The following SCN11A variants were observed in gnomAD, a reference collection of about 807,000 sequenced individuals.
SCN11A encodes sodium channel protein type 11 subunit alpha.
A neutral mutation model predicts 162.2 loss-of-function variants in SCN11A; 122 were observed. The ratio of observed to expected loss-of-function variants is 0.75; its 90% confidence interval spans 0.65 to 0.87. The LOEUF is 0.87. SCN11A is among the 40% of genes least tolerant of loss of function. The pLI is 0.00. For missense variants in SCN11A, 2,015 were observed against 2,181.6 expected (o/e 0.92, Z 1.52); for synonymous variants, 758 against 751.5 (o/e 1.01, Z -0.14).
At chr3:38,875,748 A>G (rs908658532) in intron 23 of SCN11A, among the ~76,000 whole-genome samples, 7 of 152,336 alleles carry the variant, frequency 4.6e-5, no homozygotes, top group African/African-American at 1.7e-4. Flanking sequence ...ATGTTCATGG[A>G]TGGGTAGAAT....
intron 2 of SCN11A, among the ~76,000 whole-genome samples, chr3:38,995,027 C>A (rs983467177): frequency 1.9e-4 from 29 of 152,160 alleles, no homozygotes; most frequent in African/African-American, 6.8e-4. Flanking sequence ...GACACACTTC[C>A]TGGGAAGCTA....
intron 2 of SCN11A, among the ~76,000 whole-genome samples, chr3:38,980,386 C>T (rs2029986101): frequency 6.6e-6 from 1 of 152,152 alleles, no homozygotes; most frequent in Admixed American, 6.5e-5. Flanking sequence ...AACCATCTCT[C>T]CAGGAAGGGA....
At chr3:38,968,788 C>T (rs2066799252) in intron 2 of SCN11A, among the ~76,000 whole-genome samples, 1 of 152,168 alleles carries the variant, frequency 6.6e-6, no homozygotes, top group South Asian at 2.1e-4. Context: ...ACTTTCTGAG[C>T]CTCAGTTTCT....
At position 38,868,124 on chromosome 3, in the gene SCN11A, T is replaced by C. The variant is rs115265332; in HGVS notation, c.3814-666A>G. On this transcript the variant is annotated intron_variant, in intron 26 of 29. Transcript: ENST00000302328. ...CTAAGAGCCCTTTCATCCAAGTCCT[T>C]TGCATTGTTATTGGCTTCAAGCACT... is the stretch of plus-strand genomic sequence containing the variant. Among the ~76,000 whole-genome samples the C allele has an allele frequency of 6.7e-3, 1,021 of 152,276 alleles. 13 individuals are homozygous for C. The highest frequency in any genetic ancestry group is 0.017 in the Middle Eastern group (5 of 294).
At chr3:39,037,563 G>T (rs546550277) in intron 1 of SCN11A, among the ~76,000 whole-genome samples, 97 of 152,182 alleles carry the variant, frequency 6.4e-4, no homozygotes, top group African/African-American at 2.2e-3. Flanking sequence ...ATTGCACATT[G>T]TATGCCTCTA....
intron 4 of SCN11A, among the ~76,000 whole-genome samples, chr3:38,951,167 G>A (rs969378225): frequency 2.6e-5 from 4 of 152,250 alleles, no homozygotes; most frequent in African/African-American, 9.6e-5. Flanking sequence ...GGCGCGAGCG[G>A]GAACCGGGGC....
chr3:39,021,010 C>T (rs1250055550), intron 2 of SCN11A, among the ~76,000 whole-genome samples: 1 of 151,230 alleles, frequency 6.6e-6, no homozygotes, highest in African/African-American at 2.4e-5. Context: ...GCTATTACAA[C>T]AGAGAGAACC....
chr3:39,050,542 A>C (rs1450923745), intron 1 of SCN11A, among the ~76,000 whole-genome samples: 6 of 152,262 alleles, frequency 3.9e-5, no homozygotes, highest in Non-Finnish European at 7.3e-5. Flanking sequence ...TTTGCTTAAG[A>C]AGCTTTCTGC....
At chr3:38,947,446 C>T (rs1475652588) in intron 5 of SCN11A, among the ~76,000 whole-genome samples, 2 of 152,134 alleles carry the variant, frequency 1.3e-5, no homozygotes, top group Admixed American at 6.5e-5. Flanking sequence ...GGCAAATTTC[C>T]CTGTGGTTCT....
At chr3:38,892,842 AC>A (rs2065522147) in intron 19 of SCN11A, among the ~76,000 whole-genome samples, 1 of 152,134 alleles carries the variant, frequency 6.6e-6, no homozygotes, top group African/African-American at 2.4e-5. Context: ...ATTTTAGAGT[AC>A]CCAAATAAGG....
intron 1 of SCN11A, among the ~76,000 whole-genome samples, chr3:39,040,127 G>T (rs2032010583): frequency 6.6e-6 from 1 of 152,162 alleles, no homozygotes; most frequent in African/African-American, 2.4e-5. Context: ...CATAATCCAA[G>T]AACTGGCCAC....
intron 8 of SCN11A, among the ~76,000 whole-genome samples, chr3:38,926,538 C>T (rs1483065920): frequency 6.6e-6 from 1 of 151,396 alleles, no homozygotes; most frequent in Non-Finnish European, 1.5e-5. Context: ...TTCCATAGAG[C>T]CTGGCCCATA....
intron 5 of SCN11A, 30 bp downstream of exon 5, chr3:38,950,066 C>CCA: frequency 3.6e-5 from 3 of 84,190 alleles, no homozygotes; most frequent in South Asian, 6.9e-4. Flanking sequence ...CACCCCCACC[C>CCA]CCACCCCCCC....
At chr3:39,028,183 G>T (rs2031637720) in intron 2 of SCN11A, among the ~76,000 whole-genome samples, 1 of 152,162 alleles carries the variant, frequency 6.6e-6, no homozygotes, top group African/African-American at 2.4e-5. Context: ...ATTTTGGAGG[G>T]TTACACCCCA....
chr3:38,914,006 C>T (rs76481103), intron 11 of SCN11A, among the ~76,000 whole-genome samples: 2,425 of 152,068 alleles, frequency 0.016, 65 homozygotes, highest in African/African-American at 0.056. Context: ...AATTTTAAAA[C>T]AGCATTTTTT....
intron 11 of SCN11A, among the ~76,000 whole-genome samples, chr3:38,915,140 C>T (rs898917852): frequency 1.3e-5 from 2 of 152,014 alleles, no homozygotes; most frequent in South Asian, 4.1e-4. Flanking sequence ...ATTATAGATT[C>T]AATTTTGGAG....
intron 2 of SCN11A, among the ~76,000 whole-genome samples, chr3:39,021,453 G>A (rs2031447652): frequency 6.6e-6 from 1 of 152,288 alleles, no homozygotes; most frequent in Non-Finnish European, 1.5e-5. Flanking sequence ...TTATAGAGAG[G>A]AGTAAACAAG....
At chr3:39,046,730 G>C (rs1486608230) in intron 1 of SCN11A, among the ~76,000 whole-genome samples, 1 of 151,938 alleles carries the variant, frequency 6.6e-6, no homozygotes, top group African/African-American at 2.4e-5. Context: ...GCCAACTAAT[G>C]GTTTTTTTGA....
Position 38,847,624 on chromosome 3 carries a change from T to G in SCN11A, c.4446A>C (p.Gly1482=), listed in dbSNP as rs1575201829. 1.2e-6 allele frequency: 2 copies of G among 1,614,132 alleles called. No individual in the cohort carries two copies. Among genetic ancestry groups the G allele is most frequent in the South Asian group, 2.2e-5 (2 of 91,076 alleles). The change falls in exon 30 of 30, where the codon GGA becomes GGC. Residue 1482 remains glycine (G), a synonymous_variant. Transcript: ENST00000302328. ...TCAGAGCAAAGAGGAGAGTCCTGATTCCTCGTGCAGCCCGGACAAGCCTCA... is the reference window on the plus strand; with the variant it reads ...TCAGAGCAAAGAGGAGAGTCCTGATGCCTCGTGCAGCCCGGACAAGCCTCA... ...RILRLVRAAR[G]IRTLLFALMM...
Sources: gnomAD v4.1 joint callset for allele counts (sites outside exome capture counted in the v4.1 genomes callset) on GRCh38, gnomAD v4.1.1 for gene constraint, MANE v1.5 for transcripts, NCBI Gene and HGNC (gene_info 2026-07-23, HGNC 2026-07-21) for gene names.